The following PLXNC1 variants were observed in gnomAD, a reference collection of about 807,000 sequenced individuals.
PLXNC1 encodes the protein plexin C1, also known as plexin-C1.
Under a neutral mutation model 178.2 loss-of-function variants are expected in PLXNC1, and 75 were observed. The ratio of observed to expected loss-of-function variants is 0.42; its 90% CI spans 0.35 to 0.51. The LOEUF (loss-of-function observed/expected upper bound fraction) is 0.51. PLXNC1 is among the 20% of genes least tolerant of loss of function. The pLI, the probability that PLXNC1 is intolerant of heterozygous loss-of-function variation, is 0.02. For synonymous variants in PLXNC1, 790 were observed against 779.9 expected (o/e 1.01, Z -0.22); for missense variants, 1,503 against 1,984.4 (o/e 0.76, Z 4.61).
intron 11 of PLXNC1, among the ~76,000 whole-genome samples, chr12:94,243,426 G>A (rs553494327): frequency 5.3e-5 from 8 of 152,298 alleles, no homozygotes; most frequent in African/African-American, 1.4e-4. Context: ...TTTATACGGC[G>A]TACCAAATAG....
intron 23 of PLXNC1, among the ~76,000 whole-genome samples, chr12:94,286,615 GCAAAAAAAAA>G (rs1966846471): frequency 8.5e-5 from 1 of 11,704 alleles, no homozygotes. Context: ...GTGCTTAAAA[GCAAAAAAAAA>G]AAAAAAAAAA....
chr12:94,177,178 T>TAC (rs1962103366), intron 2 of PLXNC1, among the ~76,000 whole-genome samples: 2 of 28,606 alleles, frequency 7.0e-5, no homozygotes, highest in African/African-American at 1.7e-4. Flanking sequence ...TATATATACG[T>TAC]ATATATATGT....
intron 9 of PLXNC1, among the ~76,000 whole-genome samples, chr12:94,232,336 G>A (rs1440660861): frequency 6.6e-6 from 1 of 152,142 alleles, no homozygotes; most frequent in Non-Finnish European, 1.5e-5. Flanking sequence ...TGATCTGCCT[G>A]CTTCAGCCTC....
intron 20 of PLXNC1, 65 bp from the exon 21 acceptor site, chr12:94,265,014 T>C (rs1468820557): frequency 2.0e-6 from 3 of 1,529,768 alleles, no homozygotes; most frequent in South Asian, 1.2e-5. Context: ...ACAGAAACTT[T>C]AATTCTTTGG....
rs573443289 is a variant in PLXNC1, at chr12:94,225,722, G to A, written c.1791-883G>A. ...GGGAGGGTGAGCGCCCTTTCCATAG[G>A]TAACTGCTTCCTGTTAGGAAAGCAC... On this transcript the variant is annotated intron_variant, in intron 7 of 30. Coordinates refer to ENST00000258526, the MANE Select transcript of PLXNC1 (RefSeq NM_005761.3). Among the ~76,000 whole-genome samples, 6 of 152,234 alleles carry A rather than the reference G, an allele frequency of 3.9e-5. No individual in the cohort carries two copies. The South Asian group carries it at 6.2e-4, about 16-fold the overall frequency.
intron 9 of PLXNC1, among the ~76,000 whole-genome samples, chr12:94,237,042 T>C (rs930191961): frequency 8.5e-5 from 13 of 152,170 alleles, no homozygotes; most frequent in Non-Finnish European, 1.5e-4. Context: ...ATAAAGTCTA[T>C]TGAAACTGGG....
chr12:94,174,748 T>A (rs1213159096), intron 2 of PLXNC1, among the ~76,000 whole-genome samples: 1 of 152,166 alleles, frequency 6.6e-6, no homozygotes, highest in Non-Finnish European at 1.5e-5. Flanking sequence ...GTGGTGGGGA[T>A]GACTGAGCTA....
At chr12:94,292,572 T>A (rs1967447392) in intron 23 of PLXNC1, among the ~76,000 whole-genome samples, 1 of 152,236 alleles carries the variant, frequency 6.6e-6, no homozygotes, top group African/African-American at 2.4e-5. Flanking sequence ...CACAAGTATT[T>A]CAGATTTTGG....
At chr12:94,185,595 A>G (rs1027188347) in intron 3 of PLXNC1, among the ~76,000 whole-genome samples, 3 of 152,158 alleles carry the variant, frequency 2.0e-5, no homozygotes, top group Non-Finnish European at 4.4e-5. Context: ...CAATGGCAAG[A>G]GGCAGCTCTA....
rs116424285 is a variant in PLXNC1, at chr12:94,260,066, T to G, written c.3251+332T>G. 2.0e-3 allele frequency among the ~76,000 whole-genome samples: 311 copies of G among 152,284 alleles called. 2 individuals carry two copies. The highest frequency in any genetic ancestry group is 7.1e-3 in the African/African-American group (296 of 41,564). On this transcript the variant is annotated intron_variant, in intron 19 of 30. Transcript: ENST00000258526. The surrounding 1 kb of genome is among the most constrained non-coding windows in gnomAD (Gnocchi z 4.4). ...AGATCATACCACCCCAACACAATTT[T>G]TTTGTTGTTGTTGTTGGAGTCTCAC...
intron 15 of PLXNC1, among the ~76,000 whole-genome samples, chr12:94,253,645 A>G (rs1173847900): frequency 6.6e-6 from 1 of 151,698 alleles, no homozygotes; most frequent in Non-Finnish European, 1.5e-5. Flanking sequence ...TTCCTCCAGC[A>G]TTATTGGTAG....
intron 15 of PLXNC1, among the ~76,000 whole-genome samples, chr12:94,252,363 T>C (rs1964720228): frequency 6.6e-6 from 1 of 152,026 alleles, no homozygotes; most frequent in Non-Finnish European, 1.5e-5. Context: ...TCCAGGAGTT[T>C]GAGGTTACAG....
At position 94,240,608 on chromosome 12, in the gene PLXNC1, A is replaced by G. The variant is rs776836798; in HGVS notation, c.2244A>G (p.Leu748=). ...DGGNCSSVGS[L]SYIALPHCSL... ...GGAACTGCTCTTCTGTGGGATCCTT[A>G]TCCTACATTGCTCTGCCACATTGTT... The change falls in exon 11 of 31, where the codon TTA becomes TTG. Residue 748 remains leucine, a synonymous_variant. Transcript: ENST00000258526. 6.2e-7 allele frequency: 1 copy of G among 1,613,988 alleles called. No homozygotes were observed. Among genetic ancestry groups the G allele is most frequent in the South Asian group, 1.1e-5 (1 of 91,074 alleles).
chr12:94,168,912 G>A (rs2291323), intron 1 of PLXNC1, among the ~76,000 whole-genome samples: 18,281 of 152,102 alleles, frequency 0.12, 1,116 homozygotes, highest in Middle Eastern at 0.14. Context: ...TGGCCAGCTC[G>A]CTTTGGCACT....
At chr12:94,194,996 C>T (rs867683285) in intron 4 of PLXNC1, among the ~76,000 whole-genome samples, 2 of 151,718 alleles carry the variant, frequency 1.3e-5, no homozygotes, top group East Asian at 2.0e-4. Flanking sequence ...GAAGAGTGGT[C>T]GGGAGGCATT....
intron 4 of PLXNC1, among the ~76,000 whole-genome samples, chr12:94,189,302 C>G (rs1962634963): frequency 1.3e-5 from 2 of 152,062 alleles, no homozygotes; most frequent in African/African-American, 4.8e-5. Flanking sequence ...GGCACTTGGG[C>G]TCTAAGGAGG....
At chr12:94,180,883 G>A (rs1456953892) in intron 2 of PLXNC1, among the ~76,000 whole-genome samples, 1 of 152,158 alleles carries the variant, frequency 6.6e-6, no homozygotes, top group African/African-American at 2.4e-5. Flanking sequence ...CACATATGAG[G>A]ATACTACCCC....
intron 21 of PLXNC1, 104 bp downstream of exon 21, chr12:94,265,329 G>A (rs1004912700): frequency 4.0e-6 from 4 of 1,001,540 alleles, no homozygotes; most frequent in African/African-American, 3.2e-5. Flanking sequence ...TCTCTACTGC[G>A]GGAGGCCCTG....
intron 1 of PLXNC1, among the ~76,000 whole-genome samples, chr12:94,159,098 C>A (rs973653151): frequency 6.6e-6 from 1 of 152,204 alleles, no homozygotes; most frequent in Non-Finnish European, 1.5e-5. Flanking sequence ...CTTTCTTGAG[C>A]TCCTATTATG....
Sources: allele counts gnomAD v4.1 joint callset (sites outside exome capture counted in the v4.1 genomes callset), GRCh38; gene constraint gnomAD v4.1.1; non-coding constraint Gnocchi (gnomAD v3.1); transcripts MANE v1.5; gene names NCBI Gene and HGNC (gene_info 2026-07-23, HGNC 2026-07-21).